The following CCSER1 variants were observed in gnomAD, a reference collection of about 807,000 sequenced individuals.
CCSER1 encodes the protein serine-rich coiled-coil domain-containing protein 1.
A neutral mutation model predicts 82.0 loss-of-function variants in CCSER1; 41 were observed. That is an observed-to-expected ratio of 0.50 (90% CI 0.39 to 0.65). The LOEUF (loss-of-function observed/expected upper bound fraction) is 0.65, where lower values mean the gene tolerates loss of function less well. CCSER1 is among the 30% of genes least tolerant of loss of function. The probability of loss-of-function intolerance (pLI) is 0.00; values close to 1 mark genes in which losing one functional copy is unlikely to be tolerated. For missense variants in CCSER1, 1,119 were observed against 1,064.2 expected, an observed-to-expected ratio of 1.05 and a Z score of -0.72; for synonymous variants, 414 against 383.9, an observed-to-expected ratio of 1.08 and a Z score of -0.92.
intron 10 of CCSER1, among the ~76,000 whole-genome samples, chr4:91,391,062 G>A (rs904652636): frequency 7.9e-5 from 12 of 151,482 alleles, no homozygotes; most frequent in Non-Finnish European, 2.9e-5. Context: ...CCTGTTTTAA[G>A]TTATTTTCTA....
chr4:90,889,632 C>T (rs1580947489), intron 8 of CCSER1, among the ~76,000 whole-genome samples: 1 of 152,006 alleles, frequency 6.6e-6, no homozygotes, highest in East Asian at 1.9e-4. Flanking sequence ...CTTAAATATC[C>T]ATCAACAGAT....
At chr4:90,351,495 A>G (rs1743424129) in intron 3 of CCSER1, among the ~76,000 whole-genome samples, 1 of 152,336 alleles carries the variant, frequency 6.6e-6, no homozygotes, top group South Asian at 2.1e-4. Flanking sequence ...GAAATGAAGT[A>G]AATAATAATT....
chr4:90,863,042 A>C (rs1343182329), intron 8 of CCSER1, among the ~76,000 whole-genome samples: 2 of 150,032 alleles, frequency 1.3e-5, no homozygotes, highest in East Asian at 3.9e-4. Context: ...GCACCCATTA[A>C]CTCATCATTT....
At chr4:90,925,980 A>T (rs1284848018) in intron 9 of CCSER1, among the ~76,000 whole-genome samples, 3 of 152,216 alleles carry the variant, frequency 2.0e-5, no homozygotes, top group Middle Eastern at 3.4e-3. Flanking sequence ...GAAATACTTA[A>T]ACAAATCAAA....
intron 5 of CCSER1, among the ~76,000 whole-genome samples, chr4:90,559,935 G>A (rs6820128): frequency 1.0e-4 from 15 of 148,864 alleles, no homozygotes; most frequent in African/African-American, 3.7e-4. Flanking sequence ...CTGGGTGAAA[G>A]AGCAAGAACC....
intron 10 of CCSER1, among the ~76,000 whole-genome samples, chr4:91,313,395 C>G (rs1285835343): frequency 1.3e-5 from 2 of 151,866 alleles, no homozygotes; most frequent in African/African-American, 4.8e-5. Flanking sequence ...TTCTAAAGAT[C>G]TTATTTGGCT....
At chr4:90,168,283 G>A (rs903328036) in intron 1 of CCSER1, among the ~76,000 whole-genome samples, 11 of 152,086 alleles carry the variant, frequency 7.2e-5, no homozygotes, top group African/African-American at 2.2e-4. Flanking sequence ...CTTTTGAGAA[G>A]TGTCTGTTCA....
chr4:90,742,987 C>T (rs915633568), intron 7 of CCSER1, among the ~76,000 whole-genome samples: 21 of 151,836 alleles, frequency 1.4e-4, no homozygotes, highest in African/African-American at 5.1e-4. Context: ...AGTTTTCATA[C>T]CACACATAAG....
At chr4:90,848,597 CT>C (rs1763481662) in intron 8 of CCSER1, among the ~76,000 whole-genome samples, 2 of 152,118 alleles carry the variant, frequency 1.3e-5, no homozygotes, top group Non-Finnish European at 2.9e-5. Flanking sequence ...ATTTTAGTTA[CT>C]CAGAATTAAC....
At chr4:90,619,326 C>T (rs936205942) in intron 5 of CCSER1, among the ~76,000 whole-genome samples, 3 of 151,794 alleles carry the variant, frequency 2.0e-5, no homozygotes, top group African/African-American at 7.2e-5. Flanking sequence ...ATTCCTGATC[C>T]CCGCAAGAGA....
chr4:90,980,076 A>G (rs1294658168), intron 9 of CCSER1, among the ~76,000 whole-genome samples: 1 of 151,862 alleles, frequency 6.6e-6, no homozygotes, highest in East Asian at 1.9e-4. Context: ...ATCAGGGTGG[A>G]TGCTATTTTG....
chr4:90,308,977 T>C lies in CCSER1; in HGVS notation c.693T>C (p.Ser231=). 1 of 1,613,906 alleles carries C rather than the reference T, an allele frequency of 6.2e-7. No individual in the cohort carries two copies. The highest frequency in any genetic ancestry group is 8.5e-7 in the Non-Finnish European group (1 of 1,179,866). ...TAGTAAGAGCTTCGCCATCCTGTTC[T>C]GTGGATGTAACAGAACGGGCAGGAA... ...PVLVRASPSC[S]VDVTERAGSS... Residue 231 remains serine (S), a synonymous_variant, in exon 2 of 11, where the codon TCT becomes TCC. Transcript: ENST00000509176.
intron 9 of CCSER1, among the ~76,000 whole-genome samples, chr4:90,986,944 G>A (rs1736625354): frequency 1.3e-5 from 2 of 151,664 alleles, no homozygotes; most frequent in African/African-American, 4.8e-5. Context: ...GAAGAGTCAT[G>A]TAGGGTTTAT....
chr4:90,553,301 A>G (rs1193306122), intron 5 of CCSER1, among the ~76,000 whole-genome samples: 1 of 152,168 alleles, frequency 6.6e-6, no homozygotes, highest in East Asian at 1.9e-4. Context: ...TTAATTAAAT[A>G]TTGGTGGTGT....
intron 10 of CCSER1, among the ~76,000 whole-genome samples, chr4:91,339,573 T>C (rs765911295): frequency 2.0e-5 from 3 of 152,186 alleles, no homozygotes; most frequent in Non-Finnish European, 4.4e-5. Flanking sequence ...TGCTTTTGAA[T>C]GGTAACAAGA....
intron 8 of CCSER1, among the ~76,000 whole-genome samples, chr4:90,840,126 C>A (rs1413498814): frequency 6.6e-6 from 1 of 151,934 alleles, no homozygotes; most frequent in Non-Finnish European, 1.5e-5. Flanking sequence ...TGTTTTATTA[C>A]ATCTGCTATT....
intron 9 of CCSER1, among the ~76,000 whole-genome samples, chr4:90,945,895 G>A (rs949753389): frequency 2.0e-5 from 3 of 152,080 alleles, no homozygotes; most frequent in African/African-American, 4.8e-5. Flanking sequence ...CCTCACGAAA[G>A]CTATAAAGTA....
chr4:90,702,010 A>G (rs6827727), intron 6 of CCSER1, among the ~76,000 whole-genome samples: 91,666 of 151,822 alleles, frequency 0.6, 27,886 homozygotes, highest in African/African-American at 0.68. Flanking sequence ...CCAACGCTAC[A>G]TTGAATAGGA....
At chr4:90,916,666 A>T (rs1230185797) in intron 8 of CCSER1, among the ~76,000 whole-genome samples, 4 of 152,218 alleles carry the variant, frequency 2.6e-5, no homozygotes, top group African/African-American at 9.6e-5. Flanking sequence ...AAGAAATGGG[A>T]TCTAATTAAA....
Sources: gnomAD v4.1 joint callset for allele counts (sites outside exome capture counted in the v4.1 genomes callset) on GRCh38, gnomAD v4.1.1 for gene constraint, MANE v1.5 for transcripts, NCBI Gene and HGNC (gene_info 2026-07-23, HGNC 2026-07-21) for gene names.